The following ARID5B variants were observed in gnomAD, a reference collection of about 807,000 sequenced individuals.
ARID5B encodes the protein AT-rich interaction domain 5B, also known as AT-rich interactive domain-containing protein 5B.
In ARID5B, 13 loss-of-function variants were observed where a neutral mutation model predicts 97.2. That is an observed-to-expected ratio of 0.13 (90% CI 0.09 to 0.21). The LOEUF (loss-of-function observed/expected upper bound fraction) is 0.21, where lower values mean the gene tolerates loss of function less well. Ranked by LOEUF, ARID5B falls within the 10% of genes least tolerant of loss-of-function variation. ARID5B has a pLI of 1.00. For missense variants in ARID5B, 1,210 were observed against 1,465.3 expected (o/e 0.83, Z 2.84); for synonymous variants, 556 against 570.3 (o/e 0.97, Z 0.36).
intron 6 of ARID5B, among the ~76,000 whole-genome samples, chr10:62,058,003 A>G (rs536761072): frequency 1.6e-4 from 24 of 152,320 alleles, no homozygotes; most frequent in African/African-American, 5.5e-4. Context: ...GTGGTGCACA[A>G]AGCGATGAGC....
At chr10:61,944,254 C>T (rs985115013) in intron 3 of ARID5B, among the ~76,000 whole-genome samples, 1 of 151,632 alleles carries the variant, frequency 6.6e-6, no homozygotes, top group African/African-American at 2.4e-5. Flanking sequence ...GCATAATGAA[C>T]ACAAGAACCT....
intron 2 of ARID5B, among the ~76,000 whole-genome samples, chr10:61,917,364 T>G (rs2132765663): frequency 6.6e-6 from 1 of 152,228 alleles, no homozygotes; most frequent in Admixed American, 6.5e-5. Context: ...TCTCGCTCTG[T>G]CGCCCAGGCT....
At chr10:61,971,673 A>G (rs943207604) in intron 3 of ARID5B, among the ~76,000 whole-genome samples, 3 of 152,240 alleles carry the variant, frequency 2.0e-5, no homozygotes, top group Non-Finnish European at 2.9e-5. Flanking sequence ...ATAATGCATC[A>G]ATATTGTTTC....
At chr10:62,041,788 C>A (rs1365341148) in intron 4 of ARID5B, among the ~76,000 whole-genome samples, 4 of 152,172 alleles carry the variant, frequency 2.6e-5, no homozygotes, top group African/African-American at 9.7e-5. Flanking sequence ...CATTTCCAAA[C>A]CTGGAGAAAT....
At chr10:61,971,187 G>A (rs1031381823) in intron 3 of ARID5B, among the ~76,000 whole-genome samples, 1 of 152,170 alleles carries the variant, frequency 6.6e-6, no homozygotes, top group South Asian at 2.1e-4. Context: ...GAAAAAAAGT[G>A]CATGTTTTCT....
chr10:62,094,380 G>A lies in ARID5B; in HGVS notation c.*1350G>A, dbSNP rs969436358. 2.6e-5 allele frequency: 6 copies of A among 230,102 alleles called. No homozygotes were observed. Among genetic ancestry groups the A allele is most frequent in the Non-Finnish European group, 4.3e-5 (5 of 116,218 alleles). 14.3% of individuals were successfully genotyped at this position (230,102 alleles called of 1,614,324 possible). On this transcript the variant is annotated 3_prime_UTR_variant, in exon 10 of 10. Coordinates refer to ENST00000279873, the MANE Select transcript of ARID5B (RefSeq NM_032199.3). ...GTCATTCCCAAGAAGAATCTCCCAG[G>A]CCACATCTTTGGGGATAACTGACAT...
rs138695448 is a variant in ARID5B at position 62,022,587 on chromosome 10, A to G, written c.733+22266A>G. 5.4e-3 allele frequency among the ~76,000 whole-genome samples: 826 copies of G among 151,956 alleles called. 6 individuals are homozygous for G. Among genetic ancestry groups the G allele is most frequent in the African/African-American group, 0.019 (801 of 41,420 alleles). On this transcript the variant is annotated intron_variant, in intron 4 of 9. Coordinates refer to ENST00000279873, the MANE Select transcript of ARID5B (RefSeq NM_032199.3). ...TTTTCCTTTTTGCACAACAAATTCC[A>G]CTCACCCTTCTATGTGTCCACAAGC...
At chr10:62,053,403 C>T (rs1839816456) in intron 5 of ARID5B, among the ~76,000 whole-genome samples, 1 of 152,206 alleles carries the variant, frequency 6.6e-6, no homozygotes, top group South Asian at 2.1e-4. Context: ...GTTGCACTCC[C>T]TCAATGAGAA....
intron 3 of ARID5B, among the ~76,000 whole-genome samples, chr10:61,948,354 A>G (rs1838270450): frequency 7.1e-6 from 1 of 139,898 alleles, no homozygotes; most frequent in South Asian, 2.2e-4. Flanking sequence ...CATCACGGTT[A>G]CTTATCTTAG....
intron 2 of ARID5B, among the ~76,000 whole-genome samples, chr10:61,908,816 A>AG (rs1202639220): frequency 1.3e-5 from 2 of 150,180 alleles, no homozygotes; most frequent in African/African-American, 2.5e-5. Context: ...AAAAAAAAAA[A>AG]AAAAAAGAAG....
rs189528930 is a variant in ARID5B at position 61,964,835 on chromosome 10, T to C, written c.502+24427T>C. ...TGCCTATTATGTTTTAAATTTTTCA[T>C]TTTCCTAAATTTGATTCAAGAACAC... is the stretch of plus-strand genomic sequence containing the variant. On this transcript the variant is annotated intron_variant, in intron 3 of 9. Coordinates refer to ENST00000279873, the MANE Select transcript of ARID5B (RefSeq NM_032199.3). 1.6e-3 allele frequency among the ~76,000 whole-genome samples: 242 copies of C among 152,338 alleles called. No individual in the cohort carries two copies. In the Middle Eastern group the frequency reaches 0.017, roughly 11 times the overall value.
intron 3 of ARID5B, among the ~76,000 whole-genome samples, chr10:61,994,454 G>A (rs1004870612): frequency 2.6e-5 from 4 of 152,088 alleles, no homozygotes; most frequent in African/African-American, 9.7e-5. Flanking sequence ...GCATTTGGCC[G>A]CCATTATCTA....
intron 2 of ARID5B, among the ~76,000 whole-genome samples, chr10:61,919,850 T>A (rs1408828986): frequency 6.6e-6 from 1 of 152,144 alleles, no homozygotes. Flanking sequence ...GACTGAAGTT[T>A]TTTTTTTTAA....
At chr10:61,956,280 G>A (rs868025065) in intron 3 of ARID5B, among the ~76,000 whole-genome samples, 4 of 152,124 alleles carry the variant, frequency 2.6e-5, no homozygotes, top group East Asian at 1.9e-4. Flanking sequence ...GTGCATGCAC[G>A]TGATCTAGGT....
In ARID5B at chr10:62,094,821, G is replaced by A. The variant is rs1233944133; in HGVS notation, c.*1791G>A. On this transcript the variant is annotated 3_prime_UTR_variant, in exon 10 of 10. Transcript: ENST00000279873. ...AGACTTTAGAACCATAGTTAACTAA[G>A]TCTTTTACCTCTGAGATACTTAATT... is the stretch of plus-strand genomic sequence containing the variant. The A allele has an allele frequency of 4.3e-6, 1 of 231,318 alleles. No individual in the cohort carries two copies. Among genetic ancestry groups the A allele is most frequent in the African/African-American group, 2.2e-5 (1 of 45,224 alleles). 14.3% of individuals were successfully genotyped at this position (231,318 alleles called of 1,614,324 possible).
At chr10:61,957,783 T>A (rs971197009) in intron 3 of ARID5B, among the ~76,000 whole-genome samples, 1 of 152,236 alleles carries the variant, frequency 6.6e-6, no homozygotes, top group Admixed American at 6.5e-5. Flanking sequence ...TAATGAAAAT[T>A]TAAAATAATG....
intron 2 of ARID5B, among the ~76,000 whole-genome samples, chr10:61,907,432 T>A (rs1170529992): frequency 7.9e-5 from 12 of 152,244 alleles, no homozygotes; most frequent in Admixed American, 7.2e-4. Context: ...TTGTTTTAAC[T>A]TTTTTAAGCC....
chr10:62,039,124 G>A (rs1839602856), intron 4 of ARID5B, among the ~76,000 whole-genome samples: 1 of 152,124 alleles, frequency 6.6e-6, no homozygotes, highest in South Asian at 2.1e-4. Context: ...TAATAATGTT[G>A]GATGCTGAAA....
intron 8 of ARID5B, among the ~76,000 whole-genome samples, chr10:62,076,805 T>G (rs1257426188): frequency 6.6e-6 from 1 of 152,036 alleles, no homozygotes; most frequent in African/African-American, 2.4e-5. Context: ...TATCCTAAGG[T>G]GCGGTGGGTA....
Sources: allele counts gnomAD v4.1 joint callset (sites outside exome capture counted in the v4.1 genomes callset), GRCh38; gene constraint gnomAD v4.1.1; transcripts MANE v1.5; gene names NCBI Gene and HGNC (gene_info 2026-07-23, HGNC 2026-07-21).